The following ADAMTSL1 variants were observed in gnomAD, a reference collection of about 807,000 sequenced individuals.
ADAMTSL1 encodes the protein ADAMTS-like protein 1.
Under a neutral mutation model 201.8 loss-of-function variants are expected in ADAMTSL1, and 126 were observed. The ratio of observed to expected loss-of-function variants is 0.62; its 90% confidence interval spans 0.54 to 0.72. ADAMTSL1 has a LOEUF of 0.72. Ranked by LOEUF, ADAMTSL1 falls within the 30% of genes least tolerant of loss-of-function variation. ADAMTSL1 has a pLI of 0.00. For missense variants in ADAMTSL1, 2,679 were observed against 2,277.8 expected, an observed-to-expected ratio of 1.18 and a Z score of -3.59; for synonymous variants, 1,121 against 903.4, an observed-to-expected ratio of 1.24 and a Z score of -4.32.
intron 1 of ADAMTSL1, among the ~76,000 whole-genome samples, chr9:17,928,569 G>C (rs1826649501): frequency 6.6e-6 from 1 of 152,052 alleles, no homozygotes; most frequent in Admixed American, 6.6e-5. Context: ...ACAATATGTT[G>C]CTAGGACATT....
At chr9:18,253,067 C>A (rs919204216) in intron 2 of ADAMTSL1, among the ~76,000 whole-genome samples, 1 of 152,192 alleles carries the variant, frequency 6.6e-6, no homozygotes, top group Non-Finnish European at 1.5e-5. Flanking sequence ...AAGAATGTTA[C>A]ATTTATGTCT....
intron 1 of ADAMTSL1, among the ~76,000 whole-genome samples, chr9:17,936,556 A>T (rs1588443179): frequency 1.3e-5 from 2 of 152,294 alleles, no homozygotes; most frequent in Non-Finnish European, 2.9e-5. Flanking sequence ...TCCAGCTCTA[A>T]CAATCTGTGA....
rs369705394 is a variant in ADAMTSL1 at position 18,508,956 on chromosome 9, G to A, written c.191+4000G>A. On this transcript the variant is annotated intron_variant, in intron 2 of 28. Transcript: ENST00000380548. ...TCCCAGCACTTTGGGAGGCCGAGGC[G>A]GGTGGATCATGAGGTCAGGAGATCG... 6.6e-4 allele frequency among the ~76,000 whole-genome samples: 62 copies of A among 94,474 alleles called. 5 individuals are homozygous for A. The East Asian group carries it at 8.1e-3, about 12-fold the overall frequency. 62.0% of individuals were successfully genotyped at this position (94,474 alleles called of 152,430 possible).
intron 4 of ADAMTSL1, among the ~76,000 whole-genome samples, chr9:18,611,413 G>A (rs956464960): frequency 6.6e-6 from 1 of 152,164 alleles, no homozygotes; most frequent in African/African-American, 2.4e-5. Context: ...TGTAGTGTCT[G>A]TATGCACAAA....
intron 1 of ADAMTSL1, among the ~76,000 whole-genome samples, chr9:17,940,346 G>C (rs1175197248): frequency 6.6e-6 from 1 of 151,992 alleles, no homozygotes; most frequent in Non-Finnish European, 1.5e-5. Context: ...GCTTGAAGTA[G>C]GCTGTGGCAG....
rs936432590 is a variant in ADAMTSL1 at position 18,002,500 on chromosome 9, T to A, written c.87+95578T>A. Among the ~76,000 whole-genome samples, 24 of 152,076 alleles carry A rather than the reference T, an allele frequency of 1.6e-4. 1 individual carries two copies. The highest frequency in any genetic ancestry group is 3.3e-4 in the Admixed American group (5 of 15,264). On this transcript the variant is annotated intron_variant, in intron 1 of 29. Transcript: ENST00000680146. ...CTTAGTAAGTTCTTAATAATGTAAC[T>A]ATTATTACTAGCATAAGAGTATGTG...
chr9:18,084,616 A>G (rs2131787186), intron 1 of ADAMTSL1, among the ~76,000 whole-genome samples: 1 of 152,066 alleles, frequency 6.6e-6, no homozygotes, highest in East Asian at 1.9e-4. Flanking sequence ...CTCTGATGCT[A>G]TGAAGAAAAT....
chr9:18,445,041 A>G (rs1563965189), intron 2 of ADAMTSL1, among the ~76,000 whole-genome samples: 1 of 152,156 alleles, frequency 6.6e-6, no homozygotes, highest in Admixed American at 6.5e-5. Context: ...TTCAGGATTC[A>G]AACCCAGTCA....
intron 27 of ADAMTSL1, 49 bp downstream of exon 27, chr9:18,905,940 C>T (rs375382081): frequency 1.1e-4 from 166 of 1,459,214 alleles, no homozygotes; most frequent in East Asian, 9.8e-4. Context: ...GTCAACAGCA[C>T]GGAAAGATGG....
At chr9:17,953,367 G>A (rs1199690054) in intron 1 of ADAMTSL1, among the ~76,000 whole-genome samples, 2 of 152,154 alleles carry the variant, frequency 1.3e-5, no homozygotes, top group Non-Finnish European at 2.9e-5. Context: ...GAACAACTGA[G>A]CTTGTCCCTA....
At chr9:17,995,893 T>C (rs1032147713) in intron 1 of ADAMTSL1, among the ~76,000 whole-genome samples, 2 of 151,952 alleles carry the variant, frequency 1.3e-5, no homozygotes, top group Middle Eastern at 3.4e-3. Context: ...ACACTTATTC[T>C]TTCTCTGCCT....
intron 1 of ADAMTSL1, among the ~76,000 whole-genome samples, chr9:18,149,203 G>A (rs1350433132): frequency 6.6e-6 from 1 of 151,944 alleles, no homozygotes; most frequent in Non-Finnish European, 1.5e-5. Flanking sequence ...CAAGGAGTCA[G>A]ACTTACCGAG....
chr9:18,881,648 T>C (rs1828542665), intron 23 of ADAMTSL1, among the ~76,000 whole-genome samples: 1 of 152,218 alleles, frequency 6.6e-6, no homozygotes, highest in South Asian at 2.1e-4. Flanking sequence ...ACATAAAGTA[T>C]GCACACACTG....
intron 23 of ADAMTSL1, among the ~76,000 whole-genome samples, chr9:18,837,772 G>A (rs1260119589): frequency 6.6e-6 from 1 of 152,196 alleles, no homozygotes; most frequent in Non-Finnish European, 1.5e-5. Flanking sequence ...CGTGTGACAG[G>A]CACCATGTGG....
chr9:18,588,684 G>A (rs1397198776), intron 4 of ADAMTSL1, among the ~76,000 whole-genome samples: 16 of 151,558 alleles, frequency 1.1e-4, no homozygotes. Flanking sequence ...TTGATATCCA[G>A]TTTTCCCAGA....
At chr9:18,099,355 A>ATATATATATATTTT (rs1239180390) in intron 1 of ADAMTSL1, among the ~76,000 whole-genome samples, 1 of 45,560 alleles carries the variant, frequency 2.2e-5, no homozygotes, top group Admixed American at 3.3e-4. Context: ...ATATATATAT[A>ATATATATATATTTT]TTTTTTTTTT....
intron 2 of ADAMTSL1, among the ~76,000 whole-genome samples, chr9:18,175,560 C>A (rs1398247700): frequency 2.0e-5 from 3 of 152,180 alleles, no homozygotes; most frequent in Non-Finnish European, 4.4e-5. Flanking sequence ...CCATTTAGAA[C>A]TTCTTAGCTT....
intron 4 of ADAMTSL1, among the ~76,000 whole-genome samples, chr9:18,616,267 C>T (rs577001343): frequency 1.4e-4 from 22 of 152,298 alleles, no homozygotes; most frequent in African/African-American, 2.6e-4. Flanking sequence ...TCAAGTGATC[C>T]GCCTGCCTTG....
At chr9:18,430,084 C>G (rs1819416435) in intron 2 of ADAMTSL1, among the ~76,000 whole-genome samples, 1 of 152,114 alleles carries the variant, frequency 6.6e-6, no homozygotes. Flanking sequence ...GCCACCATGC[C>G]TGGCCAATAG....
Sources: gnomAD v4.1 joint callset for allele counts (sites outside exome capture counted in the v4.1 genomes callset) on GRCh38, gnomAD v4.1.1 for gene constraint, MANE v1.5 for transcripts, NCBI Gene and HGNC (gene_info 2026-07-23, HGNC 2026-07-21) for gene names.